Variants in MARCHF7 observed in about 807,000 individuals in gnomAD.
MARCHF7 encodes the protein E3 ubiquitin-protein ligase MARCHF7.
MARCHF7 carries 20 observed loss-of-function variants against 76.5 expected under a neutral mutation model. The ratio of observed to expected loss-of-function variants is 0.26; its 90% CI spans 0.18 to 0.38. The LOEUF is 0.38. MARCHF7 is among the 10% of genes least tolerant of loss of function. The pLI, the probability that MARCHF7 is intolerant of heterozygous loss-of-function variation, is 1.00. For synonymous variants in MARCHF7, 295 were observed against 293.0 expected, an observed-to-expected ratio of 1.01 and a Z score of -0.07; for missense variants, 797 against 812.9, an observed-to-expected ratio of 0.98 and a Z score of 0.24.
In MARCHF7 at chr2:159,732,103, C is replaced by CA. The variant is rs1165149982; in HGVS notation, c.153+2936dup. Among the ~76,000 whole-genome samples, 37 of 148,474 alleles carry CA rather than the reference C, an allele frequency of 2.5e-4. No individual in the cohort carries two copies. In the East Asian group the frequency reaches 3.5e-3, roughly 14 times the overall value. On this transcript the variant is annotated intron_variant, in intron 4 of 11. Transcript: ENST00000409175. ...TGGGCGACAGAGCGAGACTCTGTCTCAAAAAAAACAAAAAACAAAAAACAA... is the reference window on the plus strand; with the variant it reads ...TGGGCGACAGAGCGAGACTCTGTCTCAAAAAAAAACAAAAAACAAAAAACAA...
rs758376063 is a variant in MARCHF7, at chr2:159,748,723, T to A, written c.1433T>A (p.Ile478Asn). The change falls in exon 7 of 12, where the codon ATT becomes AAT. Residue 478 changes from isoleucine (I) to asparagine (N), a missense_variant. Coordinates refer to ENST00000409175, the MANE Select transcript of MARCHF7 (RefSeq NM_001282805.2). ...QGGRNTGISGILPGSLFRFAV... is the reference protein window; with the variant it reads ...QGGRNTGISGNLPGSLFRFAV... Reference sequence around the variant, plus strand: ...GGAAGAAATACAGGAATATCAGGGATTCTTCCTGGTTCCTTATTCCGGTTT... The same window carrying A: ...GGAAGAAATACAGGAATATCAGGGAATCTTCCTGGTTCCTTATTCCGGTTT... 3 of 1,614,172 alleles carry A rather than the reference T, an allele frequency of 1.9e-6. No individual in the cohort carries two copies. The East Asian group carries it at 6.7e-5, about 36-fold the overall frequency.
chr2:159,729,048 C>T lies in MARCHF7; in HGVS notation c.26C>T (p.Pro9Leu). The change falls in exon 4 of 12, where the codon CCA becomes CTA. Residue 9 changes from proline (P) to leucine (L), a missense_variant. Pro to Leu is a moderately conservative substitution (Grantham distance 98, BLOSUM62 -3). Transcript: ENST00000409175. MESKPSRI[P>L]RRISVQPSSS... is the part of the protein sequence containing the mutation. Reference sequence around the variant, plus strand: ...ATGGAGTCTAAACCTTCAAGGATTCCAAGAAGAATTTCTGTTCAACCTTCC... The same window carrying T: ...ATGGAGTCTAAACCTTCAAGGATTCTAAGAAGAATTTCTGTTCAACCTTCC... The T allele has an allele frequency of 6.3e-7, 1 of 1,588,320 alleles. No homozygotes were observed. Among genetic ancestry groups the T allele is most frequent in the African/African-American group, 1.4e-5 (1 of 73,450 alleles).
intron 5 of MARCHF7, among the ~76,000 whole-genome samples, chr2:159,744,778 G>A (rs1041701712): frequency 2.0e-5 from 3 of 152,136 alleles, no homozygotes; most frequent in African/African-American, 4.8e-5. Flanking sequence ...ATGTGAAAAC[G>A]TTATAAATAC....
At chr2:159,732,830 C>A in intron 4 of MARCHF7, 2 of 984,700 alleles carry the variant, frequency 2.0e-6, no homozygotes, top group Non-Finnish European at 2.4e-6. Flanking sequence ...TCATGCCTGG[C>A]CTGTATTTTA....
At chr2:159,762,845 ATT>A in intron 9 of MARCHF7, 33 bp from the exon 10 acceptor site, 2 of 1,310,488 alleles carry the variant, frequency 1.5e-6, no homozygotes, top group Non-Finnish European at 2.2e-6. Context: ...CATTCTCTGT[ATT>A]TTTCTTTTCT....
intron 4 of MARCHF7, among the ~76,000 whole-genome samples, chr2:159,734,507 G>A (rs545855989): frequency 6.6e-6 from 1 of 152,184 alleles, no homozygotes; most frequent in South Asian, 2.1e-4. Flanking sequence ...AATAGGATAA[G>A]GAAATATACA....
intron 3 of MARCHF7, among the ~76,000 whole-genome samples, chr2:159,727,455 G>A (rs1360750684): frequency 6.6e-6 from 1 of 152,182 alleles, no homozygotes; most frequent in African/African-American, 2.4e-5. Flanking sequence ...GGGCGTGGTG[G>A]CGGGAGCCTG....
rs560019601 is a variant in MARCHF7, at chr2:159,714,359, T to G, written c.-142-198T>G. On this transcript the variant is annotated intron_variant, in intron 1 of 11. Transcript: ENST00000409175. Reference sequence around the variant, plus strand: ...CATCTGCCCTCCACAACTCACTGTTTAGTCATCAGACTAATGTATAAACAA... The same window carrying G: ...CATCTGCCCTCCACAACTCACTGTTGAGTCATCAGACTAATGTATAAACAA... 1.4e-3 allele frequency among the ~76,000 whole-genome samples: 214 copies of G among 152,350 alleles called. 1 individual carries two copies. Among genetic ancestry groups the G allele is most frequent in the Non-Finnish European group, 2.2e-3 (151 of 68,022 alleles).
chr2:159,730,039 T>C (rs1702599022), intron 4 of MARCHF7, among the ~76,000 whole-genome samples: 1 of 152,228 alleles, frequency 6.6e-6, no homozygotes, highest in Non-Finnish European at 1.5e-5. Flanking sequence ...GTCCATCTAC[T>C]CTTATGTAGC....
chr2:159,745,985 C>T (rs1327883153), intron 6 of MARCHF7, 48 bp downstream of exon 6: 1 of 1,482,286 alleles, frequency 6.7e-7, no homozygotes, highest in Non-Finnish European at 9.2e-7. Context: ...GTTCCATTTT[C>T]CTCTTTATGC....
intron 8 of MARCHF7, 48 bp downstream of exon 8, chr2:159,752,619 G>A: frequency 7.3e-7 from 1 of 1,373,752 alleles, no homozygotes; most frequent in Non-Finnish European, 9.6e-7. Context: ...AGAGATGCAT[G>A]TATGTATGCG....
At chr2:159,746,004 A>G (rs1253223399) in intron 6 of MARCHF7, 67 bp downstream of exon 6, 15 of 1,294,198 alleles carry the variant, frequency 1.2e-5, no homozygotes, top group African/African-American at 1.5e-5. Flanking sequence ...GCATGTTACT[A>G]AAACAACAGT....
intron 8 of MARCHF7, among the ~76,000 whole-genome samples, chr2:159,754,780 G>A (rs1706084204): frequency 6.6e-6 from 1 of 152,120 alleles, no homozygotes; most frequent in South Asian, 2.1e-4. Flanking sequence ...TTGTTGCTTT[G>A]ATGGGAAGAT....
At chr2:159,745,631 G>C in intron 5 of MARCHF7, 139 bp from the exon 6 acceptor site, 1 of 554,090 alleles carries the variant, frequency 1.8e-6, no homozygotes, top group Non-Finnish European at 2.9e-6. Context: ...ACTCCAGCCT[G>C]GGTGACAGAG....
chr2:159,742,310 G>A (rs1488066161), intron 4 of MARCHF7, among the ~76,000 whole-genome samples: 1 of 151,564 alleles, frequency 6.6e-6, no homozygotes, highest in African/African-American at 2.4e-5. Context: ...CTGGAGACTA[G>A]GCATCAGAAC....
chr2:159,725,195 C>A (rs979135297), intron 3 of MARCHF7, among the ~76,000 whole-genome samples: 1 of 152,138 alleles, frequency 6.6e-6, no homozygotes, highest in Non-Finnish European at 1.5e-5. Flanking sequence ...TGGGTATATA[C>A]CCAGTAATGG....
chr2:159,735,706 A>G (rs1703368993), intron 4 of MARCHF7, among the ~76,000 whole-genome samples: 1 of 152,160 alleles, frequency 6.6e-6, no homozygotes, highest in Admixed American at 6.5e-5. Context: ...TGGATATGCC[A>G]TATTTTGTTC....
chr2:159,724,063 G>A (rs1701914586), intron 3 of MARCHF7, among the ~76,000 whole-genome samples: 1 of 152,080 alleles, frequency 6.6e-6, no homozygotes, highest in South Asian at 2.1e-4. Flanking sequence ...TGTTCATTTA[G>A]CTTCCTCTGG....
chr2:159,753,550 CA>C (rs55967231), intron 8 of MARCHF7, among the ~76,000 whole-genome samples: 51,062 of 141,886 alleles, frequency 0.36, 8,726 homozygotes, highest in South Asian at 0.45. Context: ...GACTCCATGT[CA>C]AAAAAAAAAA....
Sources: allele counts gnomAD v4.1 joint callset (sites outside exome capture counted in the v4.1 genomes callset), GRCh38; gene constraint gnomAD v4.1.1; transcripts MANE v1.5; gene names NCBI Gene and HGNC (gene_info 2026-07-23, HGNC 2026-07-21).